Variants in GAS2L3 observed in about 807,000 individuals in gnomAD.
GAS2L3 encodes growth arrest specific 2 like 3, also known as GAS2-like protein 3.
A neutral mutation model predicts 37.0 loss-of-function variants in GAS2L3; 28 were observed. The observed-to-expected ratio is 0.76, with a 90% CI of 0.56 to 1.04. The LOEUF is 1.04. GAS2L3 is among the 50% of genes least tolerant of loss of function. The probability of loss-of-function intolerance (pLI) is 0.00; values close to 1 mark genes in which losing one functional copy is unlikely to be tolerated. For synonymous variants in GAS2L3, 290 were observed against 296.6 expected (o/e 0.98, Z 0.23); for missense variants, 793 against 817.6 (o/e 0.97, Z 0.37).
At chr12:100,601,431 C>G (rs1233055122) in intron 4 of GAS2L3, among the ~76,000 whole-genome samples, 3 of 152,000 alleles carry the variant, frequency 2.0e-5, no homozygotes, top group Admixed American at 2.0e-4. Flanking sequence ...TTTTTCTGTA[C>G]TTCTACATTA....
rs776113804 is a variant in GAS2L3 at position 100,623,861 on chromosome 12, A to G, written c.1056A>G (p.Ala352=). The G allele has an allele frequency of 8.7e-6, 14 of 1,614,022 alleles. No homozygotes were observed. The highest frequency in any genetic ancestry group is 1.2e-5 in the Non-Finnish European group (14 of 1,179,946). Residue 352 remains alanine, a synonymous_variant, in exon 10 of 10, where the codon GCA becomes GCG. Coordinates refer to ENST00000547754, the MANE Select transcript of GAS2L3 (RefSeq NM_174942.3). ...AAAAACAGGGACGTCCACCAGGTGC[A>G]TTGGTGCCAGCATCTTCACTGAAAG... is the stretch of plus-strand genomic sequence containing the variant. ...SKEKQGRPPG[A]LVPASSLKGG...
At chr12:100,577,649 A>G (rs1955654317) in intron 1 of GAS2L3, among the ~76,000 whole-genome samples, 1 of 152,228 alleles carries the variant, frequency 6.6e-6, no homozygotes, top group African/African-American at 2.4e-5. Context: ...CTGATTTCAT[A>G]GTGACATAGA....
intron 5 of GAS2L3, among the ~76,000 whole-genome samples, chr12:100,604,131 A>G (rs570556576): frequency 8.6e-5 from 13 of 152,002 alleles, no homozygotes; most frequent in African/African-American, 3.1e-4. Context: ...TTCCATTTCT[A>G]TGAAAAACAT....
chr12:100,591,921 A>G (rs1324967761), intron 2 of GAS2L3, 65 bp downstream of exon 2: 1 of 152,116 alleles, frequency 6.6e-6, no homozygotes, highest in Non-Finnish European at 1.5e-5. Context: ...TATTATTTCT[A>G]TTTTCTTTAT....
At position 100,624,415 on chromosome 12, in the gene GAS2L3, C is replaced by T; in HGVS notation, c.1610C>T (p.Ser537Phe). 1 of 1,614,020 alleles carries T rather than the reference C, an allele frequency of 6.2e-7. No individual in the cohort carries two copies. Among genetic ancestry groups the T allele is most frequent in the Non-Finnish European group, 8.5e-7 (1 of 1,180,020 alleles). Residue 537 changes from serine to phenylalanine, a missense_variant, in exon 10 of 10, where the codon TCT (serine) becomes TTT (phenylalanine). Physicochemically the swap from Ser to Phe is radical, Grantham distance 155 (BLOSUM62 -2). Coordinates refer to ENST00000547754, the MANE Select transcript of GAS2L3 (RefSeq NM_174942.3). The stretch of plus-strand genomic sequence containing the variant: ...ATAGCCACGGGTCTAGGAACACAGT[C>T]TCAACCATCCGATGGAGCCCCACAA... ...KTIATGLGTQ[S>F]QPSDGAPQAK... is the part of the protein sequence containing the mutation.
chr12:100,605,534 C>A (rs182037330), intron 5 of GAS2L3, among the ~76,000 whole-genome samples: 1 of 151,546 alleles, frequency 6.6e-6, no homozygotes, highest in Admixed American at 6.6e-5. Context: ...GTACTAATTT[C>A]GAGTTGATTT....
chr12:100,623,947 C>G lies in GAS2L3; in HGVS notation c.1142C>G (p.Ser381Cys). The change falls in exon 10 of 10, where the codon TCT becomes TGT. Residue 381 changes from serine (S) to cysteine (C), a missense_variant. Transcript: ENST00000547754. ...SKLPNSPAASSHPKLKSSKGI... is the reference protein window; with the variant it reads ...SKLPNSPAASCHPKLKSSKGI... Reference sequence around the variant, plus strand: ...TTGCCAAATTCTCCAGCAGCATCTTCTCATCCCAAGCTCAAGTCTTCAAAA... The same window carrying G: ...TTGCCAAATTCTCCAGCAGCATCTTGTCATCCCAAGCTCAAGTCTTCAAAA... 1 of 1,614,132 alleles carries G rather than the reference C, an allele frequency of 6.2e-7. No homozygotes were observed. The highest frequency in any genetic ancestry group is 8.5e-7 in the Non-Finnish European group (1 of 1,180,020).
rs1045906398 is a variant in GAS2L3, at chr12:100,624,404, A to C, written c.1599A>C (p.Leu533=). 1 of 1,613,968 alleles carries C rather than the reference A, an allele frequency of 6.2e-7. No individual in the cohort carries two copies. Among genetic ancestry groups the C allele is most frequent in the African/African-American group, 1.3e-5 (1 of 74,934 alleles). Residue 533 remains leucine, a synonymous_variant, in exon 10 of 10, where the codon CTA becomes CTC. Transcript: ENST00000547754. ...GTTCCAAAACCATAGCCACGGGTCT[A>C]GGAACACAGTCTCAACCATCCGATG... ...KTSSKTIATG[L]GTQSQPSDGA...
intron 3 of GAS2L3, among the ~76,000 whole-genome samples, 198 bp downstream of exon 3, chr12:100,595,120 T>C (rs1955895143): frequency 6.6e-6 from 1 of 151,974 alleles, no homozygotes; most frequent in Admixed American, 6.6e-5. Context: ...ATACTGAATA[T>C]TTGTAAAATT....
chr12:100,594,072 A>G (rs546736248), intron 2 of GAS2L3: 125 of 152,110 alleles, frequency 8.2e-4, no homozygotes, highest in Middle Eastern at 3.4e-3. Flanking sequence ...CTTTGTAATT[A>G]TTATATATTT....
chr12:100,607,101 T>C (rs1175681203), intron 5 of GAS2L3, among the ~76,000 whole-genome samples: 1 of 152,204 alleles, frequency 6.6e-6, no homozygotes, highest in African/African-American at 2.4e-5. Flanking sequence ...TAGCATTTCT[T>C]GTAGGATGGT....
At chr12:100,606,067 A>G (rs1246978524) in intron 5 of GAS2L3, among the ~76,000 whole-genome samples, 1 of 151,936 alleles carries the variant, frequency 6.6e-6, no homozygotes, top group Non-Finnish European at 1.5e-5. Context: ...GGAAGATCTG[A>G]CCAATGCTGA....
chr12:100,590,706 TC>T (rs561184701), intron 1 of GAS2L3, among the ~76,000 whole-genome samples: 7 of 151,610 alleles, frequency 4.6e-5, no homozygotes, highest in Admixed American at 1.3e-4. Context: ...GTGTGTGCAC[TC>T]CCCCCCACCA....
intron 1 of GAS2L3, among the ~76,000 whole-genome samples, chr12:100,577,262 C>T (rs1483005623): frequency 6.6e-6 from 1 of 152,110 alleles, no homozygotes; most frequent in Non-Finnish European, 1.5e-5. Context: ...TTGAGCAGTT[C>T]CCTGTTAATG....
At position 100,627,223 on chromosome 12, in the gene GAS2L3, A is replaced by C. The variant is rs551305059; in HGVS notation, c.*2333A>C. ...GTTGAATGAATTTTTATTTATATAT[A>C]GCTTACCCTTCCAAAATAAAAGTGT... On this transcript the variant is annotated 3_prime_UTR_variant, in exon 10 of 10. Coordinates refer to ENST00000547754, the MANE Select transcript of GAS2L3 (RefSeq NM_174942.3). Among the ~76,000 whole-genome samples the C allele has an allele frequency of 1.3e-5, 2 of 152,048 alleles. No individual in the cohort carries two copies. Among genetic ancestry groups the C allele is most frequent in the African/African-American group, 2.4e-5 (1 of 41,402 alleles).
intron 5 of GAS2L3, among the ~76,000 whole-genome samples, chr12:100,602,466 T>C (rs960730521): frequency 2.0e-5 from 3 of 151,646 alleles, no homozygotes; most frequent in Non-Finnish European, 4.4e-5. Context: ...ATATATATAA[T>C]ATATATATCA....
Position 100,618,454 on chromosome 12 carries a change from G to A in GAS2L3, c.515G>A (p.Gly172Glu). 6.2e-7 allele frequency: 1 copy of A among 1,607,918 alleles called. No homozygotes were observed. Among genetic ancestry groups the A allele is most frequent in the Non-Finnish European group, 8.5e-7 (1 of 1,177,332 alleles). Residue 172 changes from glycine (G) to glutamate (E), a missense_variant, in exon 8 of 10, where the codon GGG (glycine) becomes GAG (glutamate). Physicochemically the swap from Gly to Glu is moderately conservative, Grantham distance 98 (BLOSUM62 -2). Coordinates refer to ENST00000547754, the MANE Select transcript of GAS2L3 (RefSeq NM_174942.3). ...ATCTCCTGGTTGGTTTTCAGATACG[G>A]GGTTGAGCCACCAGTGTTAGTAAAA... Reference protein sequence around the residue: ...LEIGRIVSRYGVEPPVLVKLE... With the variant: ...LEIGRIVSRYEVEPPVLVKLE...
At chr12:100,594,496 A>C (rs962553989) in intron 2 of GAS2L3, among the ~76,000 whole-genome samples, 1 of 152,044 alleles carries the variant, frequency 6.6e-6, no homozygotes, top group Non-Finnish European at 1.5e-5. Context: ...TTGACTTTCA[A>C]TATCAGTTGT....
chr12:100,601,758 G>C lies in GAS2L3; in HGVS notation c.303+5G>C, dbSNP rs1307112243. The C allele has an allele frequency of 2.1e-6, 3 of 1,423,240 alleles. No homozygotes were observed. The highest frequency in any genetic ancestry group is 2.4e-5 in the South Asian group (2 of 83,856). 88.2% of individuals were successfully genotyped at this position (1,423,240 alleles called of 1,614,324 possible). ...TGCAACTCTGAAGAATCAGGGGTAA[G>C]TAAATGTTCGACAGTATTGATTTTA... On this transcript the variant is annotated splice_donor_5th_base_variant and intron_variant, in intron 5 of 9. Coordinates refer to ENST00000547754, the MANE Select transcript of GAS2L3 (RefSeq NM_174942.3).
Sources: allele counts gnomAD v4.1 joint callset (sites outside exome capture counted in the v4.1 genomes callset), GRCh38; gene constraint gnomAD v4.1.1; transcripts MANE v1.5; gene names NCBI Gene and HGNC (gene_info 2026-07-23, HGNC 2026-07-21).